The following GRIK2 variants were observed in gnomAD, a reference collection of about 807,000 sequenced individuals.
GRIK2 encodes the protein glutamate ionotropic receptor kainate type subunit 2.
A neutral mutation model predicts 100.3 loss-of-function variants in GRIK2; 32 were observed. That is an observed-to-expected ratio of 0.32 (90% CI 0.24 to 0.43). The LOEUF (loss-of-function observed/expected upper bound fraction) is 0.43, where lower values mean the gene tolerates loss of function less well. GRIK2 is among the 20% of genes least tolerant of loss of function. The probability of loss-of-function intolerance (pLI) is 1.00; values close to 1 mark genes in which losing one functional copy is unlikely to be tolerated. For synonymous variants in GRIK2, 417 were observed against 389.4 expected, an observed-to-expected ratio of 1.07 and a Z score of -0.83; for missense variants, 843 against 1,114.9, an observed-to-expected ratio of 0.76 and a Z score of 3.47.
intron 10 of GRIK2, among the ~76,000 whole-genome samples, chr6:101,845,958 CTT>C (rs1783784946): frequency 6.6e-6 from 1 of 151,020 alleles, no homozygotes; most frequent in Non-Finnish European, 1.5e-5. Flanking sequence ...TATATGTCTT[CTT>C]TGGAGAAATA....
intron 6 of GRIK2, among the ~76,000 whole-genome samples, chr6:101,684,861 C>T (rs1336956874): frequency 2.0e-5 from 3 of 151,966 alleles, no homozygotes; most frequent in Non-Finnish European, 4.4e-5. Context: ...TCTTGACCTC[C>T]AGGTATAGGG....
intron 4 of GRIK2, among the ~76,000 whole-genome samples, chr6:101,643,531 T>C (rs1781381886): frequency 6.6e-6 from 1 of 151,724 alleles, no homozygotes; most frequent in Non-Finnish European, 1.5e-5. Flanking sequence ...AAAATGAAAA[T>C]TATTTTACCA....
intron 14 of GRIK2, among the ~76,000 whole-genome samples, chr6:101,951,902 A>C (rs975284191): frequency 6.6e-6 from 1 of 152,210 alleles, no homozygotes; most frequent in African/African-American, 2.4e-5. Flanking sequence ...CAGCATGAGA[A>C]GTAACTAATA....
intron 2 of GRIK2, among the ~76,000 whole-genome samples, chr6:101,615,109 G>T (rs1779833882): frequency 6.6e-6 from 1 of 151,654 alleles, no homozygotes; most frequent in Non-Finnish European, 1.5e-5. Flanking sequence ...GAGGGCAATT[G>T]TGCCCATGAA....
At chr6:101,435,032 A>G (rs1769636034) in intron 2 of GRIK2, among the ~76,000 whole-genome samples, 1 of 152,162 alleles carries the variant, frequency 6.6e-6, no homozygotes, top group Non-Finnish European at 1.5e-5. Context: ...AATAGATCAC[A>G]TAGTCCCAAC....
chr6:101,513,095 T>G (rs1774402376), intron 2 of GRIK2, among the ~76,000 whole-genome samples: 2 of 152,118 alleles, frequency 1.3e-5, no homozygotes, highest in Non-Finnish European at 2.9e-5. Context: ...CAGGAAGTCT[T>G]GAGAACATGT....
chr6:101,762,126 T>TTTCCTTCGTCCTCCCTTCCTC (rs1777751713), intron 7 of GRIK2, among the ~76,000 whole-genome samples: 1 of 140,310 alleles, frequency 7.1e-6, no homozygotes, highest in African/African-American at 2.8e-5. Context: ...CCTCCCTTCC[T>TTTCCTTCGTCCTCCCTTCCTC]TTCCTTCCTC....
chr6:101,992,028 T>C (rs1401733674), intron 14 of GRIK2, among the ~76,000 whole-genome samples: 1 of 151,664 alleles, frequency 6.6e-6, no homozygotes, highest in Non-Finnish European at 1.5e-5. Context: ...TTTTCAGGGA[T>C]GCCATTTAGT....
At chr6:101,967,447 A>T (rs1330504271) in intron 14 of GRIK2, among the ~76,000 whole-genome samples, 5 of 152,086 alleles carry the variant, frequency 3.3e-5, no homozygotes, top group Non-Finnish European at 7.4e-5. Context: ...AGCACTTTTT[A>T]AAAATAAATT....
chr6:101,470,173 T>G (rs1771870240), intron 2 of GRIK2, among the ~76,000 whole-genome samples: 1 of 152,100 alleles, frequency 6.6e-6, no homozygotes. Context: ...TCCAGTGAAT[T>G]TTGTCCCAGT....
intron 9 of GRIK2, among the ~76,000 whole-genome samples, chr6:101,807,209 T>C (rs950742249): frequency 6.6e-6 from 1 of 151,688 alleles, no homozygotes; most frequent in Admixed American, 6.6e-5. Context: ...AAGGGATCAG[T>C]GGGTTGGGGT....
At chr6:101,928,163 C>A in intron 13 of GRIK2, 1 of 457,430 alleles carries the variant, frequency 2.2e-6, no homozygotes, top group East Asian at 3.6e-5. Context: ...TTAATTGGAA[C>A]TTTGCATCAT....
intron 4 of GRIK2, among the ~76,000 whole-genome samples, chr6:101,648,995 A>C (rs980137927): frequency 6.6e-6 from 1 of 152,256 alleles, no homozygotes; most frequent in African/African-American, 2.4e-5. Flanking sequence ...CCACAAGAAC[A>C]GTATGGGGGA....
chr6:101,896,314 C>G (rs1787439511), intron 12 of GRIK2, among the ~76,000 whole-genome samples: 1 of 151,706 alleles, frequency 6.6e-6, no homozygotes, highest in Non-Finnish European at 1.5e-5. Flanking sequence ...ATAATTTAAT[C>G]TTCAGAGGAG....
chr6:101,725,856 C>A (rs1378468557), intron 7 of GRIK2, among the ~76,000 whole-genome samples: 2 of 151,876 alleles, frequency 1.3e-5, no homozygotes, highest in Non-Finnish European at 2.9e-5. Flanking sequence ...TTTGACCCAA[C>A]AAGGAAAATG....
At chr6:101,517,959 T>A (rs1477898493) in intron 2 of GRIK2, among the ~76,000 whole-genome samples, 1 of 152,028 alleles carries the variant, frequency 6.6e-6, no homozygotes, top group Non-Finnish European at 1.5e-5. Context: ...TGAATTGAAT[T>A]GACTCCTTGG....
intron 13 of GRIK2, among the ~76,000 whole-genome samples, chr6:101,926,210 T>A (rs868723608): frequency 6.7e-6 from 1 of 149,660 alleles, no homozygotes. Context: ...TTTTTTTTTT[T>A]TTTTTTTTTC....
chr6:101,945,493 C>A (rs1165145898), intron 14 of GRIK2, among the ~76,000 whole-genome samples: 1 of 152,102 alleles, frequency 6.6e-6, no homozygotes, highest in African/African-American at 2.4e-5. Context: ...TTTGGTTGTA[C>A]CTTCAAAATA....
chr6:101,876,484 A>AACAC lies in GRIK2; in HGVS notation c.1525-13124_1525-13121dup, dbSNP rs34929195. The stretch of plus-strand genomic sequence containing the variant: ...ATGGTTTCCTTAGAAAACAAAAACA[A>AACAC]ACACACACACACACACACACACACA... On this transcript the variant is annotated intron_variant, in intron 11 of 16. Transcript: ENST00000369134. 3.4e-3 allele frequency among the ~76,000 whole-genome samples: 505 copies of AACAC among 148,908 alleles called. 1 individual carries two copies. Among genetic ancestry groups the AACAC allele is most frequent in the Non-Finnish European group, 5.4e-3 (360 of 67,018 alleles).
Sources: allele counts gnomAD v4.1 joint callset (sites outside exome capture counted in the v4.1 genomes callset), GRCh38; gene constraint gnomAD v4.1.1; transcripts MANE v1.5; gene names NCBI Gene and HGNC (gene_info 2026-07-23, HGNC 2026-07-21).